Variants in UBAC2 observed in about 807,000 individuals in gnomAD.
UBAC2 encodes the protein UBA domain containing 2, also known as ubiquitin-associated domain-containing protein 2.
In UBAC2, 26 loss-of-function variants were observed where a neutral mutation model predicts 44.0. The ratio of observed to expected loss-of-function variants is 0.59; its 90% confidence interval spans 0.43 to 0.82. The LOEUF is 0.82. Ranked by LOEUF, UBAC2 falls within the 40% of genes least tolerant of loss-of-function variation. UBAC2 has a pLI of 0.00. For missense variants in UBAC2, 329 were observed against 419.4 expected (o/e 0.78, Z 1.88); for synonymous variants, 155 against 154.3 (o/e 1.00, Z -0.04).
chr13:99,330,280 G>A (rs2044696567), intron 6 of UBAC2, among the ~76,000 whole-genome samples: 2 of 151,562 alleles, frequency 1.3e-5, no homozygotes, highest in South Asian at 2.1e-4. Context: ...CCAACATGGT[G>A]AAACCCCATC....
At position 99,200,871 on chromosome 13, in the gene UBAC2, C is replaced by CA; in HGVS notation, c.-38_-37insA. 7.8e-7 allele frequency: 1 copy of CA among 1,290,016 alleles called. No homozygotes were observed. Among genetic ancestry groups the CA allele is most frequent in the Non-Finnish European group, 9.9e-7 (1 of 1,009,628 alleles). The allele number at this position is 1,290,016 out of a possible 1,614,324, so 79.9% of individuals were successfully genotyped here. A position where few individuals can be genotyped will look rare whatever the true frequency, so the allele number is the denominator to read the frequency against. The stretch of plus-strand genomic sequence containing the variant: ...TGGGGCTCGCACTTCAGCTTCCCCT[C>CA]CCCCGGCGCCCTCTGGGGCTCCGAG... On this transcript the variant is annotated 5_prime_UTR_variant, in exon 1 of 9. Transcript: ENST00000403766.
chr13:99,379,600 C>T (rs1318448205), intron 8 of UBAC2, among the ~76,000 whole-genome samples: 2 of 152,174 alleles, frequency 1.3e-5, no homozygotes, highest in East Asian at 1.9e-4. Flanking sequence ...GATCCATCCT[C>T]GGTACATGAT....
intron 1 of UBAC2, among the ~76,000 whole-genome samples, chr13:99,203,885 C>T (rs867729164): frequency 4.6e-5 from 7 of 152,160 alleles, no homozygotes; most frequent in Non-Finnish European, 1.5e-5. Flanking sequence ...AATACAGTTT[C>T]AGACACAATG....
At chr13:99,328,438 T>C (rs1376846627) in intron 6 of UBAC2, among the ~76,000 whole-genome samples, 4 of 152,252 alleles carry the variant, frequency 2.6e-5, no homozygotes, top group Non-Finnish European at 4.4e-5. Context: ...ACAAAGTGGC[T>C]CTACCATTTT....
chr13:99,238,497 G>C lies in UBAC2; in HGVS notation c.102G>C (p.Leu34=), dbSNP rs772491845. The C allele has an allele frequency of 3.1e-6, 5 of 1,613,756 alleles. No individual in the cohort carries two copies. The highest frequency in any genetic ancestry group is 4.2e-6 in the Non-Finnish European group (5 of 1,179,874). ...SALSLLLALL[L]PHCQKLFVYD... ...TCTCCCTCCTGCTCGCCCTCCTCCT[G>C]CCTCACTGCCAGAAGCTCTTTGTGT... Residue 34 remains leucine, a synonymous_variant, in exon 2 of 9, where the codon CTG becomes CTC. Coordinates refer to ENST00000403766, the MANE Select transcript of UBAC2 (RefSeq NM_001144072.2).
chr13:99,209,923 G>A (rs1264988278), intron 1 of UBAC2, among the ~76,000 whole-genome samples: 1 of 152,138 alleles, frequency 6.6e-6, no homozygotes, highest in Non-Finnish European at 1.5e-5. Flanking sequence ...GCAGTGAGCC[G>A]AGATCATGCC....
At chr13:99,255,216 C>T (rs754746735) in intron 4 of UBAC2, 26 of 1,613,930 alleles carry the variant, frequency 1.6e-5, no homozygotes, top group South Asian at 4.4e-5. Context: ...TCAGCTTAGA[C>T]GTCCTGCCGT....
rs1566525339 is a variant in UBAC2, at chr13:99,367,905, AG to A, written c.927+1del. On this transcript the variant is annotated frameshift_variant and splice_region_variant, in exon 8 of 9. Coordinates refer to ENST00000403766, the MANE Select transcript of UBAC2 (RefSeq NM_001144072.2). LOFTEE classifies it high-confidence loss of function. ...AAPPLEVSEE[Q>X]VARLMEMGFS... ...CCCCCTCTAGAAGTTTCTGAGGAAC[AG>A]GTAATTAATCAGTAATACCTGGTAC... 6.2e-7 allele frequency: 1 copy of A among 1,613,672 alleles called. No homozygotes were observed. The highest frequency in any genetic ancestry group is 1.7e-5 in the Admixed American group (1 of 59,948).
intron 7 of UBAC2, among the ~76,000 whole-genome samples, chr13:99,361,675 T>G (rs907341446): frequency 5.3e-5 from 8 of 152,210 alleles, no homozygotes; most frequent in African/African-American, 1.4e-4. Flanking sequence ...GTAGGATGTT[T>G]AGCAACATCC....
intron 8 of UBAC2, among the ~76,000 whole-genome samples, chr13:99,381,398 A>G (rs912129): frequency 0.8 from 121,402 of 152,256 alleles, 49,057 homozygotes; most frequent in Middle Eastern, 0.91. Context: ...GTGGACAGCA[A>G]ATGGATTCGT....
chr13:99,257,545 C>T (rs567356608), intron 4 of UBAC2, among the ~76,000 whole-genome samples: 1 of 151,436 alleles, frequency 6.6e-6, no homozygotes, highest in Non-Finnish European at 1.5e-5. Flanking sequence ...CATTTGCTGA[C>T]GTTTGAAAAA....
chr13:99,232,421 T>TATATATA (rs61314371), intron 1 of UBAC2, among the ~76,000 whole-genome samples: 5 of 139,850 alleles, frequency 3.6e-5, no homozygotes, highest in African/African-American at 7.8e-5. Flanking sequence ...TATATATATA[T>TATATATA]TCACACACAC....
chr13:99,221,065 G>A (rs1467379789), intron 1 of UBAC2, among the ~76,000 whole-genome samples: 2 of 151,930 alleles, frequency 1.3e-5, no homozygotes, highest in Non-Finnish European at 2.9e-5. Context: ...ACAACCTATT[G>A]CTTAATGTTG....
intron 4 of UBAC2, among the ~76,000 whole-genome samples, chr13:99,278,302 C>T (rs2043909730): frequency 6.6e-6 from 1 of 151,986 alleles, no homozygotes; most frequent in African/African-American, 2.4e-5. Context: ...ATACATGTGG[C>T]AATAGAGTTG....
At chr13:99,345,904 G>A (rs879470438) in intron 7 of UBAC2, among the ~76,000 whole-genome samples, 4 of 151,606 alleles carry the variant, frequency 2.6e-5, no homozygotes, top group East Asian at 3.9e-4. Context: ...CACCACATCC[G>A]GCTAATTTTT....
intron 6 of UBAC2, among the ~76,000 whole-genome samples, chr13:99,332,443 AAG>A (rs1317009433): frequency 5.9e-5 from 9 of 152,356 alleles, no homozygotes; most frequent in African/African-American, 1.4e-4. Context: ...TTAGTGGACT[AAG>A]AGAAAATCAT....
At chr13:99,262,515 C>T (rs1245987007) in intron 4 of UBAC2, among the ~76,000 whole-genome samples, 2 of 151,894 alleles carry the variant, frequency 1.3e-5, no homozygotes, top group Non-Finnish European at 2.9e-5. Context: ...CTAGCCTGGC[C>T]AACATGGCAA....
At chr13:99,349,808 G>A (rs1008249712) in intron 7 of UBAC2, among the ~76,000 whole-genome samples, 2 of 152,198 alleles carry the variant, frequency 1.3e-5, no homozygotes, top group African/African-American at 4.8e-5. Flanking sequence ...TTGAAGCACA[G>A]CATCACAGGG....
chr13:99,285,893 AC>A (rs149093679), intron 4 of UBAC2, among the ~76,000 whole-genome samples: 385 of 152,252 alleles, frequency 2.5e-3, no homozygotes, highest in African/African-American at 9.0e-3. Context: ...GTGCAGTTCT[AC>A]ACATCCAACG....
Sources: allele counts gnomAD v4.1 joint callset (sites outside exome capture counted in the v4.1 genomes callset), GRCh38; gene constraint gnomAD v4.1.1; transcripts MANE v1.5; gene names NCBI Gene and HGNC (gene_info 2026-07-23, HGNC 2026-07-21).